POLA2: variants seen among roughly 807,000 people sequenced by gnomAD.
The protein encoded by POLA2 is DNA polymerase alpha 2, accessory subunit, also known as DNA polymerase alpha subunit B.
A neutral mutation model predicts 82.8 loss-of-function variants in POLA2; 47 were observed. The observed-to-expected ratio is 0.57, with a 90% CI of 0.45 to 0.72. The LOEUF is 0.72. POLA2 is among the 30% of genes least tolerant of loss of function. The probability of loss-of-function intolerance (pLI) is 0.00; values close to 1 mark genes in which losing one functional copy is unlikely to be tolerated. For missense variants in POLA2, 634 were observed against 728.1 expected, an observed-to-expected ratio of 0.87 and a Z score of 1.49; for synonymous variants, 287 against 286.8, an observed-to-expected ratio of 1.00 and a Z score of -0.01.
chr11:65,289,188 T>C, intron 12 of POLA2, 100 bp downstream of exon 12: 1 of 883,858 alleles, frequency 1.1e-6, no homozygotes, highest in Middle Eastern at 2.3e-4. Context: ...AACAAACACA[T>C]TAAGTCCTGT....
chr11:65,273,924 T>C (rs1170619687), intron 4 of POLA2, among the ~76,000 whole-genome samples: 3 of 152,236 alleles, frequency 2.0e-5, no homozygotes, highest in Admixed American at 6.5e-5. Context: ...TTAGCATTTT[T>C]TTAATTTAAA....
At chr11:65,298,963 A>G (rs1054466800), downstream of POLA2, among the ~76,000 whole-genome samples, 2 of 152,208 alleles carry the variant, frequency 1.3e-5, no homozygotes, top group Admixed American at 6.5e-5. Flanking sequence ...GAGTCAGACA[A>G]AGAGAAAGCG....
At chr11:65,304,551 C>T (rs1194420713) in intron 8 of POLA2, among the ~76,000 whole-genome samples, 1 of 152,150 alleles carries the variant, frequency 6.6e-6, no homozygotes, top group East Asian at 1.9e-4. Flanking sequence ...AACCAAATGA[C>T]AACGCCACGG....
intron 7 of POLA2, 149 bp from the exon 8 acceptor site, chr11:65,280,843 C>T (rs1280290338): frequency 1.6e-5 from 11 of 680,652 alleles, no homozygotes; most frequent in Admixed American, 1.1e-4. Context: ...TCAGTGATGA[C>T]GCGGTAGTCA....
In POLA2 at chr11:65,278,863, C is replaced by T. The variant is rs1949610306; in HGVS notation, c.595C>T (p.Pro199Ser). 1 of 1,613,646 alleles carries T rather than the reference C, an allele frequency of 6.2e-7. No homozygotes were observed. The highest frequency in any genetic ancestry group is 8.5e-7 in the Non-Finnish European group (1 of 1,180,014). Residue 199 changes from proline to serine, a missense_variant, in exon 6 of 18, where the codon CCA becomes TCA. Coordinates refer to ENST00000265465, the MANE Select transcript of POLA2 (RefSeq NM_002689.4). Reference sequence around the variant, plus strand: ...CATCAGCCTGAAGGTCTTGGGATGTCCAGAGGCACTAACTGGGAGCTACAA... The same window carrying T: ...CATCAGCCTGAAGGTCTTGGGATGTTCAGAGGCACTAACTGGGAGCTACAA... The part of the protein sequence containing the change: ...GNISLKVLGC[P>S]EALTGSYKSM...
At position 65,262,337 on chromosome 11, in the gene POLA2, C is replaced by A. The variant is rs1262103803; in HGVS notation, c.45C>A (p.Phe15Leu). ...AQQLAEELQI[F>L]GLDCEEALIE... ...AGCTGGCGGAGGAGCTGCAGATCTT[C>A]GGCCTAGACTGCGAGGAGGCTCTAA... Residue 15 changes from phenylalanine (F) to leucine (L), a missense_variant, in exon 1 of 18, where the codon TTC becomes TTA. By Grantham distance (22) the Phe-to-Leu change is conservative. Coordinates refer to ENST00000265465, the MANE Select transcript of POLA2 (RefSeq NM_002689.4). The A allele has an allele frequency of 6.2e-7, 1 of 1,613,740 alleles. No individual in the cohort carries two copies. Among genetic ancestry groups the A allele is most frequent in the Admixed American group, 1.7e-5 (1 of 59,992 alleles).
chr11:65,262,433 C>A, intron 1 of POLA2, 62 bp downstream of exon 1: 1 of 1,393,760 alleles, frequency 7.2e-7, no homozygotes, highest in Non-Finnish European at 9.9e-7. Context: ...AGTTCCTCGG[C>A]GCCTAGAACC....
intron 10 of POLA2, 39 bp downstream of exon 10, chr11:65,282,560 G>A (rs1038937432): frequency 1.3e-6 from 2 of 1,554,606 alleles, no homozygotes; most frequent in Non-Finnish European, 1.8e-6. Flanking sequence ...CAACAATGAG[G>A]ATGGTAGACA....
chr11:65,270,274 C>T (rs932671406), intron 4 of POLA2, among the ~76,000 whole-genome samples: 3 of 152,210 alleles, frequency 2.0e-5, no homozygotes, highest in South Asian at 4.2e-4. Flanking sequence ...CCCAGCACTC[C>T]GGGAGACCAA....
At position 65,297,281 on chromosome 11, in the gene POLA2, T is replaced by C. The variant is rs1949822089; in HGVS notation, c.*12T>C. 2 of 1,577,546 alleles carry C rather than the reference T, an allele frequency of 1.3e-6. No homozygotes were observed. The highest frequency in any genetic ancestry group is 1.8e-5 in the Admixed American group (1 of 54,340). On this transcript the variant is annotated 3_prime_UTR_variant, in exon 18 of 18. Coordinates refer to ENST00000265465, the MANE Select transcript of POLA2 (RefSeq NM_002689.4). ...TCGTCAGGATCTGAGGCTTCTGTCC[T>C]CTGCTGTTCTCTGCTGTGTGGGCCC...
At chr11:65,262,471 TC>T in intron 1 of POLA2, 100 bp downstream of exon 1, 1 of 915,726 alleles carries the variant, frequency 1.1e-6, no homozygotes, top group Non-Finnish European at 1.7e-6. Flanking sequence ...AATTTCCACT[TC>T]CCCTGGAGCA....
chr11:65,273,677 A>G (rs768926312), intron 4 of POLA2, among the ~76,000 whole-genome samples: 4 of 151,916 alleles, frequency 2.6e-5, no homozygotes, highest in Non-Finnish European at 4.4e-5. Context: ...TAAAAAAAAT[A>G]AAGGCAGGGT....
intron 4 of POLA2, among the ~76,000 whole-genome samples, chr11:65,273,366 TTAA>T (rs750464133): frequency 6.6e-6 from 1 of 152,254 alleles, no homozygotes; most frequent in East Asian, 1.9e-4. Flanking sequence ...GCATTAAGTG[TTAA>T]TAATGAATCG....
intron 8 of POLA2, among the ~76,000 whole-genome samples, chr11:65,304,573 G>C (rs1358685789): frequency 2.0e-5 from 3 of 152,202 alleles, no homozygotes; most frequent in Non-Finnish European, 4.4e-5. Context: ...GAGGTCCATG[G>C]TCCAGAGTTT....
intron 12 of POLA2, among the ~76,000 whole-genome samples, chr11:65,289,546 AT>A (rs1180469096): frequency 1.3e-5 from 2 of 152,322 alleles, no homozygotes; most frequent in South Asian, 4.1e-4. Context: ...TTTACCTTCC[AT>A]GGAAAATATT....
chr11:65,278,194 C>T (rs1469154131), intron 5 of POLA2, among the ~76,000 whole-genome samples: 5 of 152,246 alleles, frequency 3.3e-5, no homozygotes, highest in Non-Finnish European at 7.4e-5. Flanking sequence ...TTGCACATCA[C>T]CAGACTGTTA....
chr11:65,297,371 A>G lies in POLA2; in HGVS notation c.*102A>G, dbSNP rs1590913079. The G allele has an allele frequency of 2.2e-6, 3 of 1,367,990 alleles. No homozygotes were observed. Among genetic ancestry groups the G allele is most frequent in the East Asian group, 2.6e-5 (1 of 38,534 alleles). 84.7% of individuals were successfully genotyped at this position (1,367,990 alleles called of 1,614,324 possible). Reference sequence around the variant, plus strand: ...AAGGTGAACAGTTGGGTGGGAAAGGAGAGAGGAGCCAGCCAGGGAGGGGCA... The same window carrying G: ...AAGGTGAACAGTTGGGTGGGAAAGGGGAGAGGAGCCAGCCAGGGAGGGGCA... On this transcript the variant is annotated 3_prime_UTR_variant, in exon 18 of 18. Coordinates refer to ENST00000265465, the MANE Select transcript of POLA2 (RefSeq NM_002689.4).
chr11:65,294,357 T>C (rs990269636), intron 14 of POLA2, 96 bp downstream of exon 14: 7 of 1,078,356 alleles, frequency 6.5e-6, no homozygotes, highest in South Asian at 1.3e-5. Flanking sequence ...GAGGCCTCTT[T>C]AGGGTGTGCG....
intron 4 of POLA2, among the ~76,000 whole-genome samples, chr11:65,271,067 T>G (rs113098069): frequency 4.6e-5 from 7 of 152,328 alleles, no homozygotes; most frequent in East Asian, 1.9e-4. Context: ...AAAGCCCTTC[T>G]TCTGTTTTAT....
Sources: gnomAD v4.1 joint callset for allele counts (sites outside exome capture counted in the v4.1 genomes callset) on GRCh38, gnomAD v4.1.1 for gene constraint, MANE v1.5 for transcripts, NCBI Gene and HGNC (gene_info 2026-07-23, HGNC 2026-07-21) for gene names.